SPINK5: variants seen among roughly 807,000 people sequenced by gnomAD.
SPINK5 encodes the protein serine peptidase inhibitor Kazal type 5.
A neutral mutation model predicts 151.8 loss-of-function variants in SPINK5; 125 were observed. That is an observed-to-expected ratio of 0.82 (90% confidence interval 0.71 to 0.96). The LOEUF (loss-of-function observed/expected upper bound fraction) is 0.96, where lower values mean the gene tolerates loss of function less well. Ranked by LOEUF, SPINK5 falls within the 40% of genes least tolerant of loss-of-function variation. SPINK5 has a pLI of 0.00. For missense variants in SPINK5, 1,194 were observed against 1,291.9 expected, an observed-to-expected ratio of 0.92 and a Z score of 1.16; for synonymous variants, 374 against 395.3, an observed-to-expected ratio of 0.95 and a Z score of 0.64.
At position 148,131,277 on chromosome 5, in the gene SPINK5, G is replaced by T; in HGVS notation, c.2983G>T (p.Asp995Tyr). 1.2e-6 allele frequency: 2 copies of T among 1,613,834 alleles called. No homozygotes were observed. Among genetic ancestry groups the T allele is most frequent in the Non-Finnish European group, 1.7e-6 (2 of 1,179,770 alleles). ...FSSLDSEMCK[D>Y]YRVLPRIGYL... ...TCTTCAGGATTCTGAGATGTGCAAA[G>T]ACTACCGAGTATTGCCCAGGATAGG... The change falls in exon 31 of 33, where the codon GAC becomes TAC. Residue 995 changes from aspartate (D) to tyrosine (Y), a missense_variant. Physicochemically the swap from Asp to Tyr is radical, Grantham distance 160. Transcript: ENST00000256084.
At chr5:148,129,885 TGTA>T (rs1754530599) in intron 30 of SPINK5, among the ~76,000 whole-genome samples, 1 of 152,180 alleles carries the variant, frequency 6.6e-6, no homozygotes, top group African/African-American at 2.4e-5. Context: ...TTTTTTGGCA[TGTA>T]GTTATTTATA....
intron 4 of SPINK5, among the ~76,000 whole-genome samples, chr5:148,084,176 A>G (rs56945766): frequency 0.034 from 5,135 of 151,968 alleles, 146 homozygotes; most frequent in East Asian, 0.13. Context: ...AGATATACAG[A>G]TATTCTTATT....
chr5:148,083,453 A>T (rs1285700729), intron 4 of SPINK5, among the ~76,000 whole-genome samples: 1 of 151,372 alleles, frequency 6.6e-6, no homozygotes, highest in Non-Finnish European at 1.5e-5. Context: ...TTTCATTTTT[A>T]AAATATTTTC....
chr5:148,131,829 T>C lies in SPINK5; in HGVS notation c.3095+440T>C, dbSNP rs577888729. Among the ~76,000 whole-genome samples the C allele has an allele frequency of 7.2e-5, 11 of 152,270 alleles. No homozygotes were observed. The South Asian group carries it at 2.3e-3, about 32-fold the overall frequency. ...TACATATTCCCCATTTCTTTAACCC[T>C]GCCTCTTGAAAGAAGTAGTACCTTG... On this transcript the variant is annotated intron_variant, in intron 31 of 32. Transcript: ENST00000256084.
At chr5:148,131,118 C>A in intron 30 of SPINK5, 141 bp from the exon 31 acceptor site, 3 of 1,197,686 alleles carry the variant, frequency 2.5e-6, no homozygotes, top group Non-Finnish European at 3.7e-6. Flanking sequence ...CAAAATCAAT[C>A]TTTGAGTTTG....
chr5:148,090,485 T>C (rs1288134947), intron 7 of SPINK5, among the ~76,000 whole-genome samples: 1 of 150,772 alleles, frequency 6.6e-6, no homozygotes, highest in African/African-American at 2.5e-5. Context: ...CCTAATTCTG[T>C]AGGGTTTTTT....
intron 27 of SPINK5, among the ~76,000 whole-genome samples, chr5:148,124,501 A>G (rs963825463): frequency 2.6e-5 from 4 of 152,210 alleles, no homozygotes; most frequent in African/African-American, 9.6e-5. Flanking sequence ...GGAAAAATAA[A>G]GACCTTTTAG....
At chr5:148,125,435 G>T in intron 28 of SPINK5, 1 of 1,214,164 alleles carries the variant, frequency 8.2e-7, no homozygotes, top group Non-Finnish European at 1.2e-6. Flanking sequence ...TGCTTCATGG[G>T]GAAAATGGGG....
rs754273587 is a variant in SPINK5, at chr5:148,124,748, T to TG, written c.2667-17_2667-16insG. On this transcript the variant is annotated splice_polypyrimidine_tract_variant and intron_variant, in intron 27 of 32. Transcript: ENST00000256084. ...CCTTGAAAAATTACCCTATCTTTTTTTTTAATTATTCTGCAGTGATCGAGA... is the reference window on the plus strand; with the variant it reads ...CCTTGAAAAATTACCCTATCTTTTTTGTTTAATTATTCTGCAGTGATCGAGA... 1.1e-4 allele frequency: 175 copies of TG among 1,549,742 alleles called. 7 individuals carry two copies. The Admixed American group carries it at 3.4e-3, about 30-fold the overall frequency.
intron 20 of SPINK5, 57 bp from the exon 21 acceptor site, chr5:148,114,305 C>T (rs1754026078): frequency 6.3e-7 from 1 of 1,578,914 alleles, no homozygotes; most frequent in African/African-American, 1.4e-5. Context: ...TAGTAGGAAC[C>T]CAGTAAACTA....
intron 4 of SPINK5, among the ~76,000 whole-genome samples, chr5:148,073,008 A>G (rs1342465313): frequency 6.6e-6 from 1 of 151,898 alleles, no homozygotes; most frequent in African/African-American, 2.4e-5. Context: ...CAAAATTATA[A>G]AAATAAAATT....
In SPINK5 at chr5:148,120,288, C is replaced by G; in HGVS notation, c.2442-7C>G. On this transcript the variant is annotated splice_polypyrimidine_tract_variant and splice_region_variant and intron_variant, in intron 25 of 32. Transcript: ENST00000256084. ...TTGATTGAAATGTTTCATTGTTTTC[C>G]CCCCAGGGAAAGGGAAGCAGCTGAA... 6.2e-7 allele frequency: 1 copy of G among 1,605,608 alleles called. No individual in the cohort carries two copies.
intron 15 of SPINK5, 55 bp from the exon 16 acceptor site, chr5:148,104,897 A>T: frequency 6.6e-7 from 1 of 1,523,002 alleles, no homozygotes; most frequent in Non-Finnish European, 8.8e-7. Flanking sequence ...CTCCGTCTCA[A>T]AAAAGAAAAA....
intron 8 of SPINK5, among the ~76,000 whole-genome samples, chr5:148,091,696 G>A (rs944592657): frequency 1.3e-4 from 19 of 150,334 alleles, no homozygotes; most frequent in Non-Finnish European, 2.5e-4. Context: ...GACACAAGTT[G>A]AAGTTATTCA....
intron 30 of SPINK5, 69 bp from the exon 31 acceptor site, chr5:148,131,189 AG>A (rs1468710268): frequency 6.4e-7 from 1 of 1,574,574 alleles, no homozygotes; most frequent in Non-Finnish European, 8.7e-7. Flanking sequence ...GGAACTCAAG[AG>A]GTTTTCTTAA....
At position 148,094,366 on chromosome 5, in the gene SPINK5, G is replaced by A. The variant is rs1480221716; in HGVS notation, c.679G>A (p.Glu227Lys). 1 of 1,612,402 alleles carries A rather than the reference G, an allele frequency of 6.2e-7. No individual in the cohort carries two copies. The highest frequency in any genetic ancestry group is 8.5e-7 in the Non-Finnish European group (1 of 1,178,876). ...RRNAEKDFCK[E>K]YEKQVRNGRL... ...TGTCTTTTCAAAGGATTTTTGCAAG[G>A]AATATGAAAAACAAGTGAGAAATGG... The change falls in exon 9 of 33, where the codon GAA becomes AAA. Residue 227 changes from glutamate (E) to lysine (K), a missense_variant. Glu to Lys is a moderately conservative substitution (Grantham distance 56). Transcript: ENST00000256084.
chr5:148,083,611 T>A (rs1753079198), intron 4 of SPINK5, among the ~76,000 whole-genome samples: 1 of 151,566 alleles, frequency 6.6e-6, no homozygotes, highest in Admixed American at 6.6e-5. Context: ...AATTTCTTTG[T>A]CTTCTCTCCA....
intron 22 of SPINK5, among the ~76,000 whole-genome samples, chr5:148,118,056 T>A (rs1357513726): frequency 6.6e-6 from 1 of 152,140 alleles, no homozygotes; most frequent in East Asian, 1.9e-4. Flanking sequence ...TCTCACCCTG[T>A]CACCCAGGCT....
chr5:148,127,167 G>A lies in SPINK5; in HGVS notation c.2964+88G>A. ...GTTGCTATTTGCTATTTTCATAGAA[G>A]GGTCTGAGGTTTGCTGATTCAGTGC... On this transcript the variant is annotated intron_variant, in intron 30 of 32. Coordinates refer to ENST00000256084, the MANE Select transcript of SPINK5 (RefSeq NM_006846.4). 4.2e-6 allele frequency: 5 copies of A among 1,177,086 alleles called. No homozygotes were observed. The South Asian group carries it at 6.6e-5, about 16-fold the overall frequency. The allele number at this position is 1,177,086 out of a possible 1,614,324, so 72.9% of individuals were successfully genotyped here. A position where few individuals can be genotyped will look rare whatever the true frequency, so the allele number is the denominator to read the frequency against.
Sources: gnomAD v4.1 joint callset for allele counts (sites outside exome capture counted in the v4.1 genomes callset) on GRCh38, gnomAD v4.1.1 for gene constraint, MANE v1.5 for transcripts, NCBI Gene and HGNC (gene_info 2026-07-23, HGNC 2026-07-21) for gene names.